Variants in FER1L6 observed in about 807,000 individuals in gnomAD.
FER1L6 encodes the protein fer-1-like protein 6.
In FER1L6, 177 loss-of-function variants were observed where a neutral mutation model predicts 219.2. The observed-to-expected ratio is 0.81, with a 90% CI of 0.71 to 0.91. FER1L6 has a LOEUF of 0.91. Ranked by LOEUF, FER1L6 falls within the 40% of genes least tolerant of loss-of-function variation. The pLI is 0.00. For missense variants in FER1L6, 2,153 were observed against 2,259.9 expected, an observed-to-expected ratio of 0.95 and a Z score of 0.96; for synonymous variants, 768 against 824.3, an observed-to-expected ratio of 0.93 and a Z score of 1.17.
At chr8:124,055,548 T>G (rs917490670) in intron 22 of FER1L6, among the ~76,000 whole-genome samples, 3 of 152,186 alleles carry the variant, frequency 2.0e-5, no homozygotes, top group Non-Finnish European at 4.4e-5. Context: ...CCATTCTCCA[T>G]ACTTAGAACA....
At chr8:124,049,198 C>T (rs1400677953) in intron 21 of FER1L6, among the ~76,000 whole-genome samples, 1 of 152,036 alleles carries the variant, frequency 6.6e-6, no homozygotes, top group African/African-American at 2.4e-5. Context: ...CAGGTGTGCA[C>T]CACCATGCCC....
At chr8:123,882,526 A>G (rs1484367211) in intron 1 of FER1L6, among the ~76,000 whole-genome samples, 1 of 152,238 alleles carries the variant, frequency 6.6e-6, no homozygotes, top group Non-Finnish European at 1.5e-5. Flanking sequence ...TATGCTAGGC[A>G]TTGAGAACAC....
chr8:124,023,312 G>T, intron 17 of FER1L6, 132 bp from the exon 18 acceptor site: 2 of 844,274 alleles, frequency 2.4e-6, no homozygotes, highest in Non-Finnish European at 3.7e-6. Flanking sequence ...GTGCCTAGAT[G>T]GTGTCAGTCA....
At chr8:123,871,927 T>G (rs532783349) in intron 1 of FER1L6, among the ~76,000 whole-genome samples, 1 of 152,316 alleles carries the variant, frequency 6.6e-6, no homozygotes, top group Admixed American at 6.5e-5. Flanking sequence ...CTATATGTAT[T>G]AGGCTGTTCT....
At chr8:124,035,180 T>C in intron 18 of FER1L6, 97 bp from the exon 19 acceptor site, 1 of 1,304,044 alleles carries the variant, frequency 7.7e-7, no homozygotes, top group Non-Finnish European at 1.1e-6. Flanking sequence ...TGAACATACT[T>C]CCAGGTGTGT....
chr8:123,900,152 G>T (rs1203944225), intron 1 of FER1L6, among the ~76,000 whole-genome samples: 1 of 152,116 alleles, frequency 6.6e-6, no homozygotes, highest in Admixed American at 6.6e-5. Flanking sequence ...CCATTTGTTT[G>T]TGTGGTCTAT....
chr8:124,013,253 T>G (rs570107146), intron 14 of FER1L6, among the ~76,000 whole-genome samples, 178 bp from the exon 15 acceptor site: 1 of 152,242 alleles, frequency 6.6e-6, no homozygotes, highest in East Asian at 1.9e-4. Context: ...AAAAGAAAAG[T>G]TCAAAGTTAG....
At chr8:124,003,112 G>T in intron 12 of FER1L6, 55 bp from the exon 13 acceptor site, 1 of 1,496,842 alleles carries the variant, frequency 6.7e-7, no homozygotes, top group South Asian at 1.2e-5. Flanking sequence ...ATGCCAAGCA[G>T]ACTGATTCTG....
chr8:124,023,845 G>T (rs1364382266), intron 18 of FER1L6, among the ~76,000 whole-genome samples: 2 of 151,212 alleles, frequency 1.3e-5, no homozygotes, highest in Non-Finnish European at 2.9e-5. Flanking sequence ...AATCTAATGG[G>T]TTACTTTAAT....
intron 32 of FER1L6, among the ~76,000 whole-genome samples, 157 bp downstream of exon 32, chr8:124,076,482 C>T (rs146184215): frequency 2.6e-5 from 4 of 152,300 alleles, no homozygotes; most frequent in Non-Finnish European, 4.4e-5. Flanking sequence ...ACCAAACCTA[C>T]GTCCATGGAG....
chr8:123,977,331 C>G, intron 9 of FER1L6, 86 bp from the exon 10 acceptor site: 1 of 1,363,436 alleles, frequency 7.3e-7, no homozygotes, highest in Admixed American at 2.1e-5. Context: ...TTTGAAAACT[C>G]ACTTTATACT....
chr8:124,103,026 T>C (rs1317157337), intron 38 of FER1L6, 120 bp from the exon 39 acceptor site: 1 of 914,754 alleles, frequency 1.1e-6, no homozygotes, highest in African/African-American at 1.6e-5. Context: ...TGATCCAATA[T>C]GGTACTGATT....
At chr8:124,060,356 T>C in intron 23 of FER1L6, 66 bp downstream of exon 23, 1 of 1,511,672 alleles carries the variant, frequency 6.6e-7, no homozygotes, top group South Asian at 1.1e-5. Flanking sequence ...ACCTGAATTG[T>C]AGGAGAGGTG....
intron 1 of FER1L6, among the ~76,000 whole-genome samples, chr8:123,895,354 T>C (rs1319140499): frequency 6.6e-6 from 1 of 152,192 alleles, no homozygotes; most frequent in Non-Finnish European, 1.5e-5. Context: ...AAGGACATCA[T>C]GGGTACACTT....
chr8:124,072,561 G>A (rs1163229837), intron 31 of FER1L6, among the ~76,000 whole-genome samples: 1 of 152,138 alleles, frequency 6.6e-6, no homozygotes, highest in Non-Finnish European at 1.5e-5. Context: ...GAACATAAAT[G>A]TAACACAAAA....
At chr8:124,094,492 T>G (rs537132633) in intron 34 of FER1L6, among the ~76,000 whole-genome samples, 4 of 152,216 alleles carry the variant, frequency 2.6e-5, no homozygotes, top group South Asian at 4.2e-4. Flanking sequence ...ATTTATTTAT[T>G]TATTTATTTT....
chr8:123,977,338 T>A (rs137905398), intron 9 of FER1L6, 79 bp from the exon 10 acceptor site: 7 of 1,394,030 alleles, frequency 5.0e-6, no homozygotes, highest in African/African-American at 2.9e-5. Context: ...ACTCACTTTA[T>A]ACTTCCAGCT....
chr8:124,004,126 A>AAC (rs993836543), intron 13 of FER1L6: 1 of 151,760 alleles, frequency 6.6e-6, no homozygotes, highest in African/African-American at 2.4e-5. Context: ...AAAAAAAAAA[A>AAC]AAAAAAAAAA....
chr8:124,101,883 C>T (rs995936341), intron 38 of FER1L6, among the ~76,000 whole-genome samples: 2 of 152,090 alleles, frequency 1.3e-5, no homozygotes, highest in Admixed American at 6.5e-5. Context: ...TATAAGACAT[C>T]AATCAATACA....
Sources: gnomAD v4.1 joint callset for allele counts (sites outside exome capture counted in the v4.1 genomes callset) on GRCh38, gnomAD v4.1.1 for gene constraint, MANE v1.5 for transcripts, NCBI Gene and HGNC (gene_info 2026-07-23, HGNC 2026-07-21) for gene names.